Variants in PARP10 observed in about 807,000 individuals in gnomAD.
PARP10 encodes poly(ADP-ribose) polymerase family member 10.
In PARP10, 56 loss-of-function variants were observed where a neutral mutation model predicts 82.4. The ratio of observed to expected loss-of-function variants is 0.68; its 90% CI spans 0.55 to 0.85. The LOEUF is 0.85. PARP10 is among the 40% of genes least tolerant of loss of function. The pLI is 0.00. For missense variants in PARP10, 1,227 were observed against 1,379.4 expected (o/e 0.89, Z 1.75); for synonymous variants, 576 against 601.1 (o/e 0.96, Z 0.61).
intron 1 of PARP10, among the ~76,000 whole-genome samples, chr8:144,009,936 AG>A (rs1441084549): frequency 6.6e-6 from 1 of 152,140 alleles, no homozygotes; most frequent in Non-Finnish European, 1.5e-5. Flanking sequence ...GGAGGACTGC[AG>A]TGGCCTCCTT....
At chr8:143,981,218 G>A (rs1278386125) in intron 9 of PARP10, among the ~76,000 whole-genome samples, 1 of 152,224 alleles carries the variant, frequency 6.6e-6, no homozygotes, top group East Asian at 1.9e-4. Flanking sequence ...TCCTGGTGGC[G>A]GTGAGCGGTG....
intron 1 of PARP10, among the ~76,000 whole-genome samples, chr8:143,996,642 G>A (rs976576950): frequency 6.6e-6 from 1 of 152,200 alleles, no homozygotes; most frequent in East Asian, 1.9e-4. Context: ...ACCTTTTCAC[G>A]GCATGATCAG....
chr8:143,986,720 T>G, upstream of PARP10: 1 of 421,202 alleles, frequency 2.4e-6, no homozygotes, highest in Non-Finnish European at 4.4e-6. Flanking sequence ...CTCCATGGCC[T>G]GAAAATGGCC....
Position 143,978,004 on chromosome 8 carries a change from C to T in PARP10, c.2634G>A (p.Arg878=). 6.3e-7 allele frequency: 1 copy of T among 1,589,540 alleles called. No individual in the cohort carries two copies. Among genetic ancestry groups the T allele is most frequent in the East Asian group, 2.3e-5 (1 of 44,194 alleles). ...YRERLLQRCE[R]RPVEQVLYHG... is the part of the protein sequence containing the mutation. ...GGTACAGCACCTGCTCCACCGGGCG[C>T]CGCTCGCATCGCTGCAGCAGGCGCT... is the stretch of plus-strand genomic sequence containing the variant. The change falls in exon 10 of 11, where the codon CGG becomes CGA. Residue 878 remains arginine, a synonymous_variant. Coordinates refer to ENST00000313028, the MANE Select transcript of PARP10 (RefSeq NM_032789.5).
chr8:143,992,878 G>C, upstream of PARP10: 1 of 1,596,202 alleles, frequency 6.3e-7, no homozygotes, highest in Non-Finnish European at 8.5e-7. Flanking sequence ...CAGGTGGCAC[G>C]GCTGGCCTGG....
rs142164689 is a variant in PARP10 at position 143,985,299 on chromosome 8, G to A, written c.703C>T (p.Arg235Trp). 1.4e-3 allele frequency: 2,258 copies of A among 1,610,604 alleles called. 21 individuals are homozygous for A. The highest frequency in any genetic ancestry group is 4.7e-4 in the Non-Finnish European group (558 of 1,178,204). ...AGGCTCAGCTCTGAGCCCTGCAACC[G>A]GTGCTCCTGCTGCAACACTCGTTCT... ...VAERVLQQEHRLQGSELSLVP... is the reference protein window; with the variant it reads ...VAERVLQQEHWLQGSELSLVP... Residue 235 changes from arginine to tryptophan, a missense_variant, in exon 5 of 11, where the codon CGG becomes TGG. Transcript: ENST00000313028.
chr8:143,996,901 T>G (rs1554751352), intron 1 of PARP10, among the ~76,000 whole-genome samples: 1 of 151,806 alleles, frequency 6.6e-6, no homozygotes, highest in South Asian at 2.1e-4. Flanking sequence ...TGATCATCCT[T>G]GAGATGGTTT....
upstream of PARP10, chr8:143,991,680 T>C (rs370134141): frequency 1.2e-6 from 2 of 1,604,842 alleles, no homozygotes; most frequent in African/African-American, 2.7e-5. Flanking sequence ...ACCCAGCCTG[T>C]CTGCTTCTCA....
At chr8:143,981,582 G>A (rs1157587965) in intron 9 of PARP10, among the ~76,000 whole-genome samples, 1 of 55,218 alleles carries the variant, frequency 1.8e-5, no homozygotes, top group Non-Finnish European at 3.4e-5. Flanking sequence ...GAGTGGTGAA[G>A]GTGGTGGTGA....
chr8:143,995,235 T>G (rs546202350), upstream of PARP10, among the ~76,000 whole-genome samples: 1 of 152,154 alleles, frequency 6.6e-6, no homozygotes, highest in African/African-American at 2.4e-5. Flanking sequence ...TGGGTTTGTG[T>G]TTAGGAAGAT....
upstream of PARP10, chr8:143,992,333 C>T: frequency 6.3e-7 from 1 of 1,589,744 alleles, no homozygotes; most frequent in Non-Finnish European, 8.6e-7. Context: ...GTGGGCATCA[C>T]CACAGCCGTC....
rs368671557 is a variant in PARP10 at position 143,977,646 on chromosome 8, G to C, written c.2916C>G (p.Leu972=). 208 of 1,593,864 alleles carry C rather than the reference G, an allele frequency of 1.3e-4. No individual in the cohort carries two copies. Among genetic ancestry groups the C allele is most frequent in the Non-Finnish European group, 1.7e-4 (204 of 1,171,120 alleles). ...AGTCCACGGCGCTGTCGTAGCGCAG[G>C]AGCACGTGGCCAGGACCCCGCAGAG... The part of the protein sequence containing the change: ...APPLRGPGHV[L]LRYDSAVDCI... Residue 972 remains leucine (L), a synonymous_variant, in exon 11 of 11, where the codon CTC becomes CTG. Coordinates refer to ENST00000313028, the MANE Select transcript of PARP10 (RefSeq NM_032789.5).
upstream of PARP10, among the ~76,000 whole-genome samples, chr8:143,993,601 C>T (rs2133068358): frequency 6.6e-6 from 1 of 152,328 alleles, no homozygotes. Flanking sequence ...GACAGAGACC[C>T]TGGGGTGCCC....
upstream of PARP10, among the ~76,000 whole-genome samples, chr8:143,993,766 A>G (rs1834137679): frequency 6.6e-6 from 1 of 152,170 alleles, no homozygotes; most frequent in Non-Finnish European, 1.5e-5. Context: ...GCAGCCTGCC[A>G]TGCTCCTTGG....
chr8:143,980,694 AC>A (rs1833831396), intron 9 of PARP10, among the ~76,000 whole-genome samples: 1 of 152,130 alleles, frequency 6.6e-6, no homozygotes, highest in East Asian at 1.9e-4. Context: ...GTACTGAGTA[AC>A]CCGGTGGTCA....
rs1833959288 is a variant in PARP10 at position 143,985,264 on chromosome 8, G to A, written c.738C>T (p.His246=). 5 of 1,613,906 alleles carry A rather than the reference G, an allele frequency of 3.1e-6. No individual in the cohort carries two copies. The East Asian group carries it at 1.1e-4, about 36-fold the overall frequency. The part of the protein sequence containing the change: ...LQGSELSLVP[H]YDILEPEELA... ...GCTCCTCGGGCTCCAGGATGTCGTA[G>A]TGGGGGACAAGGCTCAGCTCTGAGC... The change falls in exon 5 of 11, where the codon CAC becomes CAT. Residue 246 remains histidine, a synonymous_variant. Transcript: ENST00000313028.
chr8:143,991,594 A>C, upstream of PARP10: 1 of 1,595,120 alleles, frequency 6.3e-7, no homozygotes, highest in Non-Finnish European at 8.6e-7. Context: ...CCAGGACAAG[A>C]CCCTGACTGT....
intron 1 of PARP10, among the ~76,000 whole-genome samples, chr8:144,007,841 T>C (rs1834245183): frequency 6.6e-6 from 1 of 152,232 alleles, no homozygotes; most frequent in Non-Finnish European, 1.5e-5. Flanking sequence ...GCCCAGGTAC[T>C]TGACATGGCC....
chr8:143,991,083 TCA>T, upstream of PARP10: 1 of 593,694 alleles, frequency 1.7e-6, no homozygotes. Flanking sequence ...GGGGCAAAGG[TCA>T]CGGTCTTCCC....
Sources: gnomAD v4.1 joint callset for allele counts (sites outside exome capture counted in the v4.1 genomes callset) on GRCh38, gnomAD v4.1.1 for gene constraint, MANE v1.5 for transcripts, NCBI Gene and HGNC (gene_info 2026-07-23, HGNC 2026-07-21) for gene names.